Variants in PYY observed in about 807,000 individuals in gnomAD.
PYY encodes the protein peptide tyrosine tyrosine.
PYY carries 12 observed loss-of-function variants against 10.3 expected under a neutral mutation model. The observed-to-expected ratio is 1.17, with a 90% CI of 0.75 to 1.89. The LOEUF (loss-of-function observed/expected upper bound fraction) is 1.89, where lower values mean the gene tolerates loss of function less well. PYY is among the 40% of genes most tolerant of loss of function. The pLI, the probability that PYY is intolerant of heterozygous loss-of-function variation, is 0.00. For synonymous variants in PYY, 66 were observed against 62.0 expected, an observed-to-expected ratio of 1.06 and a Z score of -0.30; for missense variants, 141 against 134.0, an observed-to-expected ratio of 1.05 and a Z score of -0.26.
chr17:43,996,499 C>CT (rs2143964096), intron 1 of PYY, among the ~76,000 whole-genome samples: 1 of 152,258 alleles, frequency 6.6e-6, no homozygotes, highest in East Asian at 1.9e-4. Flanking sequence ...GTGTCTCACT[C>CT]TGTCACCCAG....
intron 1 of PYY, among the ~76,000 whole-genome samples, chr17:43,975,879 TAC>T (rs1491334803): frequency 1.8e-4 from 1 of 5,616 alleles, no homozygotes; most frequent in Non-Finnish European, 6.0e-4. Context: ...CGTGTCTACG[TAC>T]GTGTACATAC....
chr17:43,985,297 A>G (rs1055886228), intron 1 of PYY, among the ~76,000 whole-genome samples: 1 of 152,088 alleles, frequency 6.6e-6, no homozygotes, highest in Admixed American at 6.6e-5. Context: ...TGCAACCTCA[A>G]TTTCCTAGGC....
chr17:43,967,642 T>C (rs1316097818), intron 1 of PYY, among the ~76,000 whole-genome samples: 3 of 152,198 alleles, frequency 2.0e-5, no homozygotes, highest in Non-Finnish European at 4.4e-5. Context: ...AGCTATTAGG[T>C]TCCAGATGAG....
chr17:43,976,225 A>ATACGTATATATACACATATGTATACATG (rs2048839418), intron 1 of PYY, among the ~76,000 whole-genome samples: 9 of 107,202 alleles, frequency 8.4e-5, no homozygotes, highest in Admixed American at 5.6e-4. Flanking sequence ...ATGTATACAT[A>ATACGTATATATACACATATGTATACATG]TATACATATG....
At chr17:43,996,748 C>T (rs993672787) in intron 1 of PYY, among the ~76,000 whole-genome samples, 5 of 151,950 alleles carry the variant, frequency 3.3e-5, no homozygotes, top group Non-Finnish European at 5.9e-5. Context: ...AGTGCAGTGG[C>T]GCAATCTCAG....
At chr17:43,990,141 G>A (rs2048946614) in intron 1 of PYY, among the ~76,000 whole-genome samples, 1 of 151,286 alleles carries the variant, frequency 6.6e-6, no homozygotes, top group Non-Finnish European at 1.5e-5. Context: ...ACAACTCTTT[G>A]AAAAGCAGCT....
intron 2 of PYY, among the ~76,000 whole-genome samples, chr17:43,963,624 A>G (rs9912151): frequency 0.013 from 720 of 55,044 alleles, 5 homozygotes; most frequent in African/African-American, 0.036. Flanking sequence ...GAAAGAAAGA[A>G]AGAGAAAGAA....
chr17:44,000,913 C>T (rs1567940033), intron 1 of PYY, among the ~76,000 whole-genome samples: 1 of 152,134 alleles, frequency 6.6e-6, no homozygotes, highest in Non-Finnish European at 1.5e-5. Context: ...TACCTCTGTA[C>T]ACCTGTATGG....
chr17:43,967,152 A>G (rs917167409), intron 1 of PYY, among the ~76,000 whole-genome samples: 14 of 151,954 alleles, frequency 9.2e-5, no homozygotes, highest in African/African-American at 1.2e-4. Flanking sequence ...AAAATACAAA[A>G]ATTAGCTGGG....
chr17:43,993,385 C>T (rs745568547), intron 1 of PYY, among the ~76,000 whole-genome samples: 2 of 150,690 alleles, frequency 1.3e-5, no homozygotes, highest in Admixed American at 6.7e-5. Flanking sequence ...CGTGAACCCG[C>T]GAGGCAGAGC....
At chr17:43,956,975 G>C (rs2048676345), upstream of PYY, among the ~76,000 whole-genome samples, 1 of 152,056 alleles carries the variant, frequency 6.6e-6, no homozygotes, top group Non-Finnish European at 1.5e-5. Flanking sequence ...CAAGGTGAGT[G>C]GATCACGAGG....
rs2048920923 is a variant in PYY at position 43,987,127 on chromosome 17, G to A, written c.-463+17264C>T. Among the ~76,000 whole-genome samples the A allele has an allele frequency of 6.6e-6, 1 of 152,108 alleles. No individual in the cohort carries two copies. The highest frequency in any genetic ancestry group is 1.5e-5 in the Non-Finnish European group (1 of 68,032). ...CTCCTCTGGTGGTCAGCACAGACAT[G>A]GTGACCGTGGCCCTGAAACCATGTC... On this transcript the variant is annotated intron_variant, in intron 1 of 6. Coordinates refer to the PYY transcript ENST00000360085. This position sits in a 1 kb window ranked among gnomAD's most constrained non-coding sequence, Gnocchi z 4.0.
At chr17:43,963,507 CA>C (rs56079292) in intron 2 of PYY, among the ~76,000 whole-genome samples, 131 of 76,904 alleles carry the variant, frequency 1.7e-3, no homozygotes, top group African/African-American at 5.5e-3. Flanking sequence ...AACTCCATCT[CA>C]AAAAAAAAAA....
chr17:43,989,808 TTAAAA>T (rs2016968723), intron 1 of PYY, among the ~76,000 whole-genome samples: 1 of 43,356 alleles, frequency 2.3e-5, no homozygotes, highest in Admixed American at 4.2e-4. Context: ...GGCTGTCTCT[TTAAAA>T]AAAAAAAAAA....
At chr17:43,963,337 G>A (rs1326077250) in intron 2 of PYY, among the ~76,000 whole-genome samples, 4 of 151,460 alleles carry the variant, frequency 2.6e-5, no homozygotes, top group Non-Finnish European at 4.4e-5. Flanking sequence ...GTGAAACCTC[G>A]TCTCTACTAA....
intron 1 of PYY, among the ~76,000 whole-genome samples, chr17:44,002,788 T>C (rs2049038072): frequency 6.6e-6 from 1 of 152,208 alleles, no homozygotes; most frequent in African/African-American, 2.4e-5. Context: ...ATAGCTATCC[T>C]GGAGTCACTG....
At chr17:43,958,631 TG>T (rs1240348595), upstream of PYY, among the ~76,000 whole-genome samples, 1 of 152,172 alleles carries the variant, frequency 6.6e-6, no homozygotes, top group African/African-American at 2.4e-5. Flanking sequence ...CCGCCTGCCT[TG>T]GCCTCCCAAA....
intron 2 of PYY, among the ~76,000 whole-genome samples, chr17:43,959,698 A>T (rs2048698725): frequency 6.6e-6 from 1 of 152,248 alleles, no homozygotes; most frequent in Non-Finnish European, 1.5e-5. Flanking sequence ...GAAAAAAAAT[A>T]AAAATAAAAA....
At chr17:43,976,290 T>TATACATGTATACATATACGTATATACAC (rs2048843433) in intron 1 of PYY, among the ~76,000 whole-genome samples, 1 of 145,356 alleles carries the variant, frequency 6.9e-6, no homozygotes, top group African/African-American at 2.8e-5. Context: ...TACGCATATG[T>TATACATGTATACATATACGTATATACAC]ATACATGTAT....
Sources: allele counts gnomAD v4.1 joint callset (sites outside exome capture counted in the v4.1 genomes callset), GRCh38; gene constraint gnomAD v4.1.1; non-coding constraint Gnocchi (gnomAD v3.1); transcripts MANE v1.5; gene names NCBI Gene and HGNC (gene_info 2026-07-23, HGNC 2026-07-21).